Variants in SGCD observed in about 807,000 individuals in gnomAD.
SGCD encodes sarcoglycan delta.
In SGCD, 18 loss-of-function variants were observed where a neutral mutation model predicts 36.6. The ratio of observed to expected loss-of-function variants is 0.49; its 90% CI spans 0.34 to 0.73. The LOEUF is 0.73. Ranked by LOEUF, SGCD falls within the 30% of genes least tolerant of loss-of-function variation. The pLI is 0.01. For synonymous variants in SGCD, 133 were observed against 130.6 expected (o/e 1.02, Z -0.12); for missense variants, 387 against 346.7 (o/e 1.12, Z -0.92).
At chr5:156,384,858 C>T (rs575406818) in intron 3 of SGCD, among the ~76,000 whole-genome samples, 8 of 152,242 alleles carry the variant, frequency 5.3e-5, no homozygotes, top group African/African-American at 1.4e-4. Context: ...AAAGAAGGAG[C>T]CTGGGGCTTG....
chr5:156,657,831 G>A (rs1331886981), intron 7 of SGCD, among the ~76,000 whole-genome samples: 3 of 133,354 alleles, frequency 2.2e-5, no homozygotes, highest in Non-Finnish European at 4.8e-5. Context: ...GGGAACCAGC[G>A]TTCAGCATAT....
At chr5:156,376,859 T>C (rs1051664564) in intron 3 of SGCD, among the ~76,000 whole-genome samples, 1 of 152,134 alleles carries the variant, frequency 6.6e-6, no homozygotes, top group Non-Finnish European at 1.5e-5. Flanking sequence ...TTTTAAAAGA[T>C]ATAATTTCCA....
At chr5:156,360,496 C>T (rs975201926) in intron 3 of SGCD, among the ~76,000 whole-genome samples, 1 of 152,166 alleles carries the variant, frequency 6.6e-6, no homozygotes, top group African/African-American at 2.4e-5. Context: ...GATCTGCCTG[C>T]CTTGGCCTCC....
chr5:156,293,519 CT>C (rs1766815262), intron 3 of SGCD, among the ~76,000 whole-genome samples: 1 of 152,076 alleles, frequency 6.6e-6, no homozygotes, highest in Non-Finnish European at 1.5e-5. Flanking sequence ...AAGGAGTCAG[CT>C]TCATTCTTTT....
At chr5:156,277,850 G>A (rs1301789317) in intron 3 of SGCD, among the ~76,000 whole-genome samples, 1 of 152,144 alleles carries the variant, frequency 6.6e-6, no homozygotes, top group Non-Finnish European at 1.5e-5. Context: ...TACTTGCTAT[G>A]GATGAGTCGC....
intron 1 of SGCD, among the ~76,000 whole-genome samples, chr5:155,912,217 G>A (rs912226256): frequency 6.6e-6 from 1 of 152,006 alleles, no homozygotes; most frequent in Non-Finnish European, 1.5e-5. Context: ...AACCCCACGT[G>A]TGCTCAAGCA....
intron 3 of SGCD, among the ~76,000 whole-genome samples, chr5:156,423,356 T>TAA (rs1580970169): frequency 6.2e-5 from 5 of 80,736 alleles, no homozygotes; most frequent in South Asian, 3.6e-4. Flanking sequence ...TATAATTTTA[T>TAA]TATAATATAT....
the SGCD span, among the ~76,000 whole-genome samples, chr5:155,787,042 A>C: frequency 5.1e-4 from 78 of 152,212 alleles, no homozygotes; most frequent in African/African-American, 1.8e-3. Context: ...TGCTATTAAA[A>C]GCCCGGTAAT....
intron 3 of SGCD, among the ~76,000 whole-genome samples, chr5:156,167,679 C>T (rs574568742): frequency 5.9e-5 from 9 of 152,162 alleles, no homozygotes; most frequent in Middle Eastern, 3.4e-3. Flanking sequence ...TCGTGTGATA[C>T]GCCTGCTCCC....
chr5:156,108,345 G>A (rs1293273052), intron 1 of SGCD, among the ~76,000 whole-genome samples: 4 of 152,168 alleles, frequency 2.6e-5, no homozygotes, highest in Admixed American at 2.0e-4. Flanking sequence ...TGTAGAATCA[G>A]TGGCTAGGAA....
chr5:155,936,170 G>A (rs989094427), intron 1 of SGCD, among the ~76,000 whole-genome samples: 13 of 152,268 alleles, frequency 8.5e-5, no homozygotes, highest in Middle Eastern at 3.4e-3. Flanking sequence ...TCTCTTCTCG[G>A]CATCTGCAAT....
chr5:156,068,294 C>T lies in SGCD; in HGVS notation c.-281-49584C>T, dbSNP rs973478617. ...CCCCTTTCCCCACCCCACAACAGTCCCCAGAGTGTGATGTTCCCCTTCCTG... is the reference window on the plus strand; with the variant it reads ...CCCCTTTCCCCACCCCACAACAGTCTCCAGAGTGTGATGTTCCCCTTCCTG... On this transcript the variant is annotated intron_variant, in intron 1 of 9. Coordinates refer to the SGCD transcript ENST00000517913. 2.0e-5 allele frequency among the ~76,000 whole-genome samples: 3 copies of T among 151,726 alleles called. No homozygotes were observed. In the South Asian group the frequency reaches 6.3e-4, roughly 32 times the overall value.
chr5:156,711,886 C>T (rs1323857012), intron 7 of SGCD, among the ~76,000 whole-genome samples: 1 of 152,016 alleles, frequency 6.6e-6, no homozygotes, highest in Non-Finnish European at 1.5e-5. Context: ...ACGGAGCAGC[C>T]CTGAGGACTG....
the SGCD span, among the ~76,000 whole-genome samples, chr5:155,762,673 G>C: frequency 6.6e-6 from 1 of 152,162 alleles, no homozygotes; most frequent in Non-Finnish European, 1.5e-5. Flanking sequence ...AGCTGGACCA[G>C]CTGGGACTCT....
intron 3 of SGCD, among the ~76,000 whole-genome samples, chr5:156,190,301 T>A (rs1463684577): frequency 6.6e-6 from 1 of 152,146 alleles, no homozygotes; most frequent in Non-Finnish European, 1.5e-5. Flanking sequence ...ACTAAATATT[T>A]GCTAAATAAT....
chr5:155,842,094 GA>G, the SGCD span, among the ~76,000 whole-genome samples: 19 of 152,012 alleles, frequency 1.2e-4, no homozygotes, highest in Non-Finnish European at 4.4e-5. Flanking sequence ...CTAATATCTA[GA>G]AAAGAAGAGA....
intron 4 of SGCD, among the ~76,000 whole-genome samples, chr5:156,536,400 T>C (rs947614583): frequency 6.6e-6 from 1 of 152,162 alleles, no homozygotes; most frequent in African/African-American, 2.4e-5. Context: ...GCAGCCCCCA[T>C]TGTGAACTCT....
rs59274622 is a variant in SGCD at position 156,622,318 on chromosome 5, G to A, written c.503-25146G>A. Among the ~76,000 whole-genome samples, 1,449 of 151,244 alleles carry A rather than the reference G, an allele frequency of 9.6e-3. 24 individuals carry two copies. The highest frequency in any genetic ancestry group is 0.049 in the East Asian group (250 of 5,112). ...CATGGTGGTGGGCGCCTGTAATCTCGGCTACTTGAGAGCCTGAGGCAGGAG... is the reference window on the plus strand; with the variant it reads ...CATGGTGGTGGGCGCCTGTAATCTCAGCTACTTGAGAGCCTGAGGCAGGAG... On this transcript the variant is annotated intron_variant, in intron 6 of 8. Coordinates refer to ENST00000337851, the MANE Select transcript of SGCD (RefSeq NM_000337.6).
Position 156,540,782 on chromosome 5 carries a change from C to T in SGCD, c.294+32080C>T, listed in dbSNP as rs535778844. Among the ~76,000 whole-genome samples the T allele has an allele frequency of 6.6e-5, 10 of 152,276 alleles. No homozygotes were observed. In the South Asian group the frequency reaches 8.3e-4, roughly 13 times the overall value. ...CCAATTGCCTTGCCATCAACACAGT[C>T]GTCCTGATTGATTTTGATGGCAGGC... On this transcript the variant is annotated intron_variant, in intron 4 of 8. Transcript: ENST00000337851.
Sources: gnomAD v4.1 joint callset for allele counts (sites outside exome capture counted in the v4.1 genomes callset) on GRCh38, gnomAD v4.1.1 for gene constraint, MANE v1.5 for transcripts, NCBI Gene and HGNC (gene_info 2026-07-23, HGNC 2026-07-21) for gene names.